Variants in SLFN5 observed in about 807,000 individuals in gnomAD.
SLFN5 encodes the protein schlafen family member 5.
In SLFN5, 34 loss-of-function variants were observed where a neutral mutation model predicts 48.5. That is an observed-to-expected ratio of 0.70 (90% CI 0.53 to 0.93). SLFN5 has a LOEUF of 0.93. Among genes scored for constraint, SLFN5 ranks in the 40% least tolerant of loss-of-function variants. The pLI is 0.00. For synonymous variants in SLFN5, 387 were observed against 396.2 expected (o/e 0.98, Z 0.28); for missense variants, 1,006 against 1,071.3 (o/e 0.94, Z 0.85).
rs766748875 is a variant in SLFN5, at chr17:35,259,436, C to G, written c.746C>G (p.Thr249Arg). The change falls in exon 2 of 5, where the codon ACG becomes AGG. Residue 249 changes from threonine to arginine, a missense_variant. Coordinates refer to ENST00000299977, the MANE Select transcript of SLFN5 (RefSeq NM_144975.4). ...IGCEKEKIDL[T>R]SLRASIDGCI... ...TGTGAAAAAGAGAAAATAGACCTTA[C>G]GAGCTTGAGGGCTTCTATTGATGGC... 1.2e-6 allele frequency: 2 copies of G among 1,614,044 alleles called. No individual in the cohort carries two copies. The highest frequency in any genetic ancestry group is 1.7e-5 in the Admixed American group (1 of 59,992).
Position 35,259,502 on chromosome 17 carries a change from G to A in SLFN5, c.812G>A (p.Arg271Lys). 1 of 1,614,218 alleles carries A rather than the reference G, an allele frequency of 6.2e-7. No individual in the cohort carries two copies. Among genetic ancestry groups the A allele is most frequent in the Non-Finnish European group, 8.5e-7 (1 of 1,180,046 alleles). ...CCTGTCCATCATTTCTGCACACAGA[G>A]GCCTGAGATAAAATATGTCCTTAAC... The part of the protein sequence containing the change: ...KLPVHHFCTQ[R>K]PEIKYVLNFL... Residue 271 changes from arginine (R) to lysine (K), a missense_variant, in exon 2 of 5, where the codon AGG becomes AAG. Coordinates refer to ENST00000299977, the MANE Select transcript of SLFN5 (RefSeq NM_144975.4).
In SLFN5 at chr17:35,266,142, ATGTG is replaced by A. The variant is rs58644233; in HGVS notation, c.*287_*290del. The A allele has an allele frequency of 0.12, 27,789 of 238,960 alleles. 1,950 individuals carry two copies. Among genetic ancestry groups the A allele is most frequent in the Admixed American group, 0.23 (4,391 of 19,006 alleles). The allele number at this position is 238,960 out of a possible 1,614,324, so 14.8% of individuals were successfully genotyped here. A position where few individuals can be genotyped will look rare whatever the true frequency, so the allele number is the denominator to read the frequency against. On this transcript the variant is annotated 3_prime_UTR_variant, in exon 5 of 5. Coordinates refer to ENST00000299977, the MANE Select transcript of SLFN5 (RefSeq NM_144975.4). Reference sequence around the variant, plus strand: ...AATTAGAGGACCGTGAGACTCAGAGATGTGTGTGTGTGTGTGTGTGTGTGTGTGT... The same window carrying A: ...AATTAGAGGACCGTGAGACTCAGAGATGTGTGTGTGTGTGTGTGTGTGTGT...
chr17:35,253,693 T>G (rs1251265243), intron 1 of SLFN5, among the ~76,000 whole-genome samples: 1 of 21,344 alleles, frequency 4.7e-5, no homozygotes, highest in Non-Finnish European at 8.8e-5. Flanking sequence ...GCTAACAGTT[T>G]TTTTTTTTTT....
chr17:35,266,141 GATGTGTGTGT>G lies in SLFN5; in HGVS notation c.*254_*263del, dbSNP rs1384620743. On this transcript the variant is annotated 3_prime_UTR_variant, in exon 5 of 5. Coordinates refer to ENST00000299977, the MANE Select transcript of SLFN5 (RefSeq NM_144975.4). ...TAATTAGAGGACCGTGAGACTCAGAGATGTGTGTGTGTGTGTGTGTGTGTGTGTGTGTGTG... is the reference window on the plus strand; with the variant it reads ...TAATTAGAGGACCGTGAGACTCAGAGGTGTGTGTGTGTGTGTGTGTGTGTG... 7 of 354,128 alleles carry G rather than the reference GATGTGTGTGT, an allele frequency of 2.0e-5. No individual in the cohort carries two copies. Among genetic ancestry groups the G allele is most frequent in the South Asian group, 7.5e-5 (2 of 26,602 alleles). The allele number at this position is 354,128 out of a possible 1,614,324, so 21.9% of individuals were successfully genotyped here. A position where few individuals can be genotyped will look rare whatever the true frequency, so the allele number is the denominator to read the frequency against.
At chr17:35,244,463 TTGTC>T (rs1326373294) in intron 1 of SLFN5, among the ~76,000 whole-genome samples, 4 of 152,098 alleles carry the variant, frequency 2.6e-5, no homozygotes, top group Admixed American at 6.5e-5. Context: ...TGGCTAAAGT[TTGTC>T]TGGCCTCGCC....
At chr17:35,257,913 A>T (rs17630171) in intron 1 of SLFN5, among the ~76,000 whole-genome samples, 1 of 152,040 alleles carries the variant, frequency 6.6e-6, no homozygotes, top group Non-Finnish European at 1.5e-5. Flanking sequence ...AATAAATATT[A>T]GCACACCCCA....
intron 2 of SLFN5, among the ~76,000 whole-genome samples, chr17:35,260,230 C>T (rs1005208243): frequency 1.3e-5 from 2 of 151,926 alleles, no homozygotes; most frequent in Non-Finnish European, 2.9e-5. Context: ...GGAGCCGGTA[C>T]GTGATAAGCC....
At chr17:35,244,153 A>G (rs750896916) in intron 1 of SLFN5, among the ~76,000 whole-genome samples, 1 of 152,160 alleles carries the variant, frequency 6.6e-6, no homozygotes, top group Non-Finnish European at 1.5e-5. Flanking sequence ...ACGGTGCATC[A>G]GCAGTTTATA....
At chr17:35,248,188 T>C (rs575893464) in intron 1 of SLFN5, among the ~76,000 whole-genome samples, 1 of 152,196 alleles carries the variant, frequency 6.6e-6, no homozygotes, top group Non-Finnish European at 1.5e-5. Flanking sequence ...ACTCCAAGGA[T>C]GATCTGGGCC....
chr17:35,266,125 G>A lies in SLFN5; in HGVS notation c.*237G>A. 1 of 490,022 alleles carries A rather than the reference G, an allele frequency of 2.0e-6. No homozygotes were observed. Among genetic ancestry groups the A allele is most frequent in the Non-Finnish European group, 3.6e-6 (1 of 276,026 alleles). 30.4% of individuals were successfully genotyped at this position (490,022 alleles called of 1,614,324 possible). A position where few individuals can be genotyped will look rare whatever the true frequency, so the allele number is the denominator to read the frequency against. On this transcript the variant is annotated 3_prime_UTR_variant, in exon 5 of 5. Coordinates refer to ENST00000299977, the MANE Select transcript of SLFN5 (RefSeq NM_144975.4). ...TAAAAAGGGATATCAGTAATTAGAG[G>A]ACCGTGAGACTCAGAGATGTGTGTG...
chr17:35,261,183 T>G, intron 3 of SLFN5, 87 bp downstream of exon 3: 1 of 1,462,754 alleles, frequency 6.8e-7, no homozygotes, highest in Non-Finnish European at 9.1e-7. Flanking sequence ...ATATACAGAA[T>G]CAATTCCAGA....
chr17:35,244,874 C>T (rs1252042703), intron 1 of SLFN5, among the ~76,000 whole-genome samples: 1 of 151,970 alleles, frequency 6.6e-6, no homozygotes, highest in Middle Eastern at 3.2e-3. Context: ...CCACCCCCTC[C>T]CCCCACCATA....
Position 35,258,907 on chromosome 17 carries a change from G to A in SLFN5, c.217G>A (p.Gly73Arg). The A allele has an allele frequency of 6.2e-7, 1 of 1,614,222 alleles. No individual in the cohort carries two copies. The highest frequency in any genetic ancestry group is 8.5e-7 in the Non-Finnish European group (1 of 1,180,036). Residue 73 changes from glycine to arginine, a missense_variant, in exon 2 of 5, where the codon GGA becomes AGA. By Grantham distance (125) the Gly-to-Arg change is moderately radical. Transcript: ENST00000299977. ...CAAAGGCTACAATTATGAACGTCAT[G>A]GAGTAGGATTGGATGTGCCTCCAAT... ...ENKGYNYERH[G>R]VGLDVPPIFR...
At chr17:35,243,422 C>A (rs883416) in intron 1 of SLFN5, among the ~76,000 whole-genome samples, 77,761 of 152,064 alleles carry the variant, frequency 0.51, 20,386 homozygotes, top group Middle Eastern at 0.67. Context: ...GCGCAGCCTA[C>A]ATCTTAGCAA....
Position 35,266,177 on chromosome 17 carries a change from T to TGTGTGTGCACGC in SLFN5, c.*290_*291insTGTGTGCACGCG, listed in dbSNP as rs35160124. On this transcript the variant is annotated 3_prime_UTR_variant, in exon 5 of 5. Transcript: ENST00000299977. The stretch of plus-strand genomic sequence containing the variant: ...GTGTGTGTGTGTGTGTGTGTGTGTG[T>TGTGTGTGCACGC]GCGCGCGCGCACGTGCACATGTGTG... The TGTGTGTGCACGC allele has an allele frequency of 1.2e-5, 2 of 173,338 alleles. No homozygotes were observed. Among genetic ancestry groups the TGTGTGTGCACGC allele is most frequent in the Non-Finnish European group, 2.3e-5 (2 of 85,184 alleles). The allele number at this position is 173,338 out of a possible 1,614,324, so 10.7% of individuals were successfully genotyped here.
At chr17:35,245,671 C>T (rs2092429034) in intron 1 of SLFN5, among the ~76,000 whole-genome samples, 1 of 152,058 alleles carries the variant, frequency 6.6e-6, no homozygotes, top group South Asian at 2.1e-4. Context: ...TAGTTCTTTC[C>T]TTTTTATTAC....
At chr17:35,249,097 A>G (rs934475532) in intron 1 of SLFN5, among the ~76,000 whole-genome samples, 1 of 152,254 alleles carries the variant, frequency 6.6e-6, no homozygotes, top group African/African-American at 2.4e-5. Context: ...AATACCTTCC[A>G]ACACATCAGT....
chr17:35,266,107 G>T lies in SLFN5; in HGVS notation c.*219G>T. ...ACAAGGAATTTCCCATGGTAAAAAG[G>T]GATATCAGTAATTAGAGGACCGTGA... On this transcript the variant is annotated 3_prime_UTR_variant, in exon 5 of 5. Coordinates refer to ENST00000299977, the MANE Select transcript of SLFN5 (RefSeq NM_144975.4). 3 of 502,724 alleles carry T rather than the reference G, an allele frequency of 6.0e-6. No individual in the cohort carries two copies. The highest frequency in any genetic ancestry group is 3.3e-5 in the East Asian group (1 of 30,362). 31.1% of individuals were successfully genotyped at this position (502,724 alleles called of 1,614,324 possible). A position where few individuals can be genotyped will look rare whatever the true frequency, so the allele number is the denominator to read the frequency against.
Position 35,265,350 on chromosome 17 carries a change from G to A in SLFN5, c.2138G>A (p.Arg713His), listed in dbSNP as rs551663463. The A allele has an allele frequency of 7.4e-4, 1,190 of 1,614,106 alleles. 25 individuals carry two copies. The South Asian group carries it at 0.012, about 16-fold the overall frequency. The change falls in exon 5 of 5, where the codon CGC becomes CAC. Residue 713 changes from arginine to histidine, a missense_variant. By Grantham distance (29) the Arg-to-His change is conservative. Transcript: ENST00000299977. ...YPREEINRVV[R>H]NAGPIANYLQ... ...AGAGAAGAGATCAACAGAGTGGTCCGCAATGCAGGTCCAATAGCTAATTAC... is the reference window on the plus strand; with the variant it reads ...AGAGAAGAGATCAACAGAGTGGTCCACAATGCAGGTCCAATAGCTAATTAC...
Sources: gnomAD v4.1 joint callset for allele counts (sites outside exome capture counted in the v4.1 genomes callset) on GRCh38, gnomAD v4.1.1 for gene constraint, MANE v1.5 for transcripts, NCBI Gene and HGNC (gene_info 2026-07-23, HGNC 2026-07-21) for gene names.